The following HDAC9 variants were observed in gnomAD, a reference collection of about 807,000 sequenced individuals.
The protein encoded by HDAC9 is histone deacetylase 9, also known as MEF-2 interacting transcription repressor (MITR) protein.
HDAC9 carries 41 observed loss-of-function variants against 139.4 expected under a neutral mutation model. The ratio of observed to expected loss-of-function variants is 0.29; its 90% CI spans 0.23 to 0.38. HDAC9 has a LOEUF of 0.38. HDAC9 is among the 10% of genes least tolerant of loss of function. The pLI is 1.00. For synonymous variants in HDAC9, 517 were observed against 476.2 expected (o/e 1.09, Z -1.12); for missense variants, 1,147 against 1,297.0 (o/e 0.88, Z 1.78).
At chr7:18,625,281 C>G (rs1841366540) in intron 6 of HDAC9, among the ~76,000 whole-genome samples, 1 of 152,238 alleles carries the variant, frequency 6.6e-6, no homozygotes, top group East Asian at 1.9e-4. Flanking sequence ...CTTTTCTTCC[C>G]TTACCCTTCT....
intron 6 of HDAC9, among the ~76,000 whole-genome samples, chr7:18,615,537 T>A (rs1838343588): frequency 1.3e-5 from 2 of 152,204 alleles, no homozygotes; most frequent in African/African-American, 4.8e-5. Flanking sequence ...ATTATACTTT[T>A]TGTCTTTTTT....
intron 2 of HDAC9, among the ~76,000 whole-genome samples, chr7:18,504,002 A>G (rs1228759938): frequency 6.6e-6 from 1 of 152,234 alleles, no homozygotes; most frequent in African/African-American, 2.4e-5. Flanking sequence ...CTGAGTTTTC[A>G]TTAAATGACA....
chr7:18,097,242 G>A (rs567029161), intron 1 of HDAC9, among the ~76,000 whole-genome samples: 3 of 152,250 alleles, frequency 2.0e-5, no homozygotes, highest in African/African-American at 7.2e-5. Context: ...ATAATTGGAT[G>A]TTGTTATTTG....
intron 2 of HDAC9, among the ~76,000 whole-genome samples, chr7:18,180,345 G>T (rs895965994): frequency 6.6e-6 from 1 of 151,574 alleles, no homozygotes; most frequent in African/African-American, 2.4e-5. Context: ...TGTTTGCTCT[G>T]TGTTTCTTTC....
At chr7:18,774,965 C>T (rs142213217) in intron 16 of HDAC9, among the ~76,000 whole-genome samples, 1 of 151,994 alleles carries the variant, frequency 6.6e-6, no homozygotes, top group Non-Finnish European at 1.5e-5. Context: ...ACGTGCAACT[C>T]TTCCTTTTAC....
intron 2 of HDAC9, among the ~76,000 whole-genome samples, chr7:18,538,551 G>T (rs896586887): frequency 6.6e-6 from 1 of 152,178 alleles, no homozygotes; most frequent in Non-Finnish European, 1.5e-5. Flanking sequence ...ACGGCCATGA[G>T]CCTTAATTCC....
intron 24 of HDAC9, among the ~76,000 whole-genome samples, chr7:18,972,591 G>A (rs558022671): frequency 2.0e-5 from 3 of 152,074 alleles, no homozygotes; most frequent in South Asian, 4.2e-4. Flanking sequence ...GTGTTGGCCA[G>A]GCTGGTCTCA....
chr7:18,896,716 C>G (rs1048609991), intron 22 of HDAC9, among the ~76,000 whole-genome samples: 1 of 151,970 alleles, frequency 6.6e-6, no homozygotes, highest in Non-Finnish European at 1.5e-5. Context: ...GTATAAAGGT[C>G]TTTCTTTTTG....
intron 1 of HDAC9, among the ~76,000 whole-genome samples, chr7:18,363,776 T>A (rs1783967447): frequency 6.6e-6 from 1 of 152,144 alleles, no homozygotes; most frequent in African/African-American, 2.4e-5. Context: ...GCCTCCTCTT[T>A]TTGTTCATGG....
chr7:18,889,205 A>G (rs1219793317), intron 22 of HDAC9, among the ~76,000 whole-genome samples: 1 of 152,128 alleles, frequency 6.6e-6, no homozygotes, highest in Non-Finnish European at 1.5e-5. Flanking sequence ...CTTTGCATGA[A>G]AAGATCCTAT....
At chr7:18,207,295 A>T (rs541688282) in intron 2 of HDAC9, among the ~76,000 whole-genome samples, 1 of 152,284 alleles carries the variant, frequency 6.6e-6, no homozygotes, top group South Asian at 2.1e-4. Flanking sequence ...AAATGTGTAT[A>T]GAAGAAAAGG....
chr7:18,396,200 T>G (rs1003517128), intron 1 of HDAC9, among the ~76,000 whole-genome samples: 2 of 150,908 alleles, frequency 1.3e-5, no homozygotes, highest in African/African-American at 4.9e-5. Flanking sequence ...AGGGACATTG[T>G]GTGCCAGGTA....
At chr7:18,900,440 G>T (rs538986081) in intron 22 of HDAC9, among the ~76,000 whole-genome samples, 1 of 152,236 alleles carries the variant, frequency 6.6e-6, no homozygotes, top group African/African-American at 2.4e-5. Flanking sequence ...CAACCTCAGA[G>T]ACGCCTTACC....
intron 1 of HDAC9, among the ~76,000 whole-genome samples, chr7:18,311,277 C>G (rs1799302156): frequency 6.6e-6 from 1 of 151,890 alleles, no homozygotes; most frequent in African/African-American, 2.4e-5. Flanking sequence ...ACATAACCCC[C>G]AATGAAAAAA....
At chr7:18,268,045 G>A (rs2128211281) in intron 2 of HDAC9, among the ~76,000 whole-genome samples, 1 of 152,170 alleles carries the variant, frequency 6.6e-6, no homozygotes, top group African/African-American at 2.4e-5. Flanking sequence ...TGATGTTGGT[G>A]CTACTCAGTT....
At chr7:18,859,856 AT>A (rs1797977232) in intron 21 of HDAC9, among the ~76,000 whole-genome samples, 2 of 117,252 alleles carry the variant, frequency 1.7e-5, no homozygotes, top group East Asian at 5.8e-4. Context: ...ATATATATAT[AT>A]ATGTGAGAGA....
At chr7:18,639,669 G>C (rs1266254042) in intron 8 of HDAC9, among the ~76,000 whole-genome samples, 2 of 151,922 alleles carry the variant, frequency 1.3e-5, no homozygotes, top group African/African-American at 4.8e-5. Flanking sequence ...AAAACCATAG[G>C]CAAATATTAA....
At chr7:18,865,910 G>A (rs1246575870) in intron 21 of HDAC9, among the ~76,000 whole-genome samples, 2 of 151,592 alleles carry the variant, frequency 1.3e-5, no homozygotes, top group Non-Finnish European at 2.9e-5. Flanking sequence ...AAAAAAGGTA[G>A]GCTTGGATTT....
At chr7:18,170,537 GT>G (rs1444147576) in intron 2 of HDAC9, among the ~76,000 whole-genome samples, 1 of 148,740 alleles carries the variant, frequency 6.7e-6, no homozygotes, top group Non-Finnish European at 1.5e-5. Context: ...GTCCTGAATG[GT>G]ATTGCCTAGG....
Sources: allele counts gnomAD v4.1 joint callset (sites outside exome capture counted in the v4.1 genomes callset), GRCh38; gene constraint gnomAD v4.1.1; transcripts MANE v1.5; gene names NCBI Gene and HGNC (gene_info 2026-07-23, HGNC 2026-07-21).